The following ATAD2B variants were observed in gnomAD, a reference collection of about 807,000 sequenced individuals.
ATAD2B encodes ATPase family AAA domain-containing protein 2B.
A neutral mutation model predicts 167.6 loss-of-function variants in ATAD2B; 40 were observed. That is an observed-to-expected ratio of 0.24 (90% CI 0.19 to 0.31). The LOEUF is 0.31. Among genes scored for constraint, ATAD2B ranks in the 10% least tolerant of loss-of-function variants. The pLI, the probability that ATAD2B is intolerant of heterozygous loss-of-function variation, is 1.00. For synonymous variants in ATAD2B, 579 were observed against 596.5 expected (o/e 0.97, Z 0.43); for missense variants, 1,242 against 1,757.2 (o/e 0.71, Z 5.24).
At chr2:23,734,448 T>A in the ATAD2B span, among the ~76,000 whole-genome samples, 1 of 152,090 alleles carries the variant, frequency 6.6e-6, no homozygotes, top group Non-Finnish European at 1.5e-5. Context: ...GTGTGAGCCA[T>A]CGTACCCAGT....
chr2:23,756,993 T>C (rs1186111743), intron 25 of ATAD2B, among the ~76,000 whole-genome samples: 1 of 152,164 alleles, frequency 6.6e-6, no homozygotes, highest in Admixed American at 6.5e-5. Context: ...AGGTCTATAT[T>C]ACTCTTCCGA....
chr2:23,776,518 G>A (rs527344132), intron 22 of ATAD2B, among the ~76,000 whole-genome samples: 56 of 152,280 alleles, frequency 3.7e-4, no homozygotes, highest in Admixed American at 1.0e-3. Context: ...CTCAATAAAC[G>A]TTGAGTCAGT....
intron 24 of ATAD2B, among the ~76,000 whole-genome samples, chr2:23,760,844 C>T (rs1676649469): frequency 6.7e-6 from 1 of 150,050 alleles, no homozygotes; most frequent in Admixed American, 6.7e-5. Context: ...ATTTTTATAG[C>T]ATCACTGAGT....
the ATAD2B span, among the ~76,000 whole-genome samples, chr2:23,699,936 C>T: frequency 6.6e-6 from 1 of 152,240 alleles, no homozygotes; most frequent in Admixed American, 6.5e-5. Context: ...ACTCTGACTC[C>T]TGCTTCACAG....
chr2:23,682,681 C>T, the ATAD2B span, among the ~76,000 whole-genome samples: 2 of 150,862 alleles, frequency 1.3e-5, no homozygotes, highest in Admixed American at 6.6e-5. This position sits in a 1 kb window ranked among gnomAD's most constrained non-coding sequence, Gnocchi z 4.1. Flanking sequence ...CACCCTCCCA[C>T]ACCCTCCCGC....
chr2:23,878,235 C>A (rs1012942480), intron 7 of ATAD2B, among the ~76,000 whole-genome samples: 4 of 151,788 alleles, frequency 2.6e-5, no homozygotes, highest in African/African-American at 9.7e-5. Flanking sequence ...GTAGCGCATG[C>A]CTGTAGTCCC....
intron 15 of ATAD2B, among the ~76,000 whole-genome samples, chr2:23,823,965 G>T (rs1265716438): frequency 1.3e-5 from 2 of 150,536 alleles, no homozygotes; most frequent in Non-Finnish European, 1.5e-5. Flanking sequence ...ATAAACAAGA[G>T]ACAGGGGTCT....
chr2:23,798,846 T>C (rs1402060573), intron 18 of ATAD2B, among the ~76,000 whole-genome samples: 1 of 152,204 alleles, frequency 6.6e-6, no homozygotes, highest in Non-Finnish European at 1.5e-5. Flanking sequence ...AAACAGTCAT[T>C]CACCTCCTCC....
At chr2:23,922,925 A>C (rs1417410545) in intron 1 of ATAD2B, among the ~76,000 whole-genome samples, 1 of 152,196 alleles carries the variant, frequency 6.6e-6, no homozygotes, top group Non-Finnish European at 1.5e-5. Flanking sequence ...AAAATGGTGC[A>C]GCCACTATGG....
Position 23,788,504 on chromosome 2 carries a change from A to C in ATAD2B, c.2776+8T>G, listed in dbSNP as rs758838188. On this transcript the variant is annotated splice_region_variant and intron_variant, in intron 20 of 27. Coordinates refer to ENST00000238789, the MANE Select transcript of ATAD2B (RefSeq NM_017552.4). Reference sequence around the variant, plus strand: ...CTCCCATTTTCCTAAAGGCTTTACAAACTTTACCAGCATGTTTCCTTCGTG... The same window carrying C: ...CTCCCATTTTCCTAAAGGCTTTACACACTTTACCAGCATGTTTCCTTCGTG... The C allele has an allele frequency of 2.5e-6, 4 of 1,611,792 alleles. No individual in the cohort carries two copies. In the East Asian group the frequency reaches 8.9e-5, roughly 36 times the overall value.
chr2:23,885,127 GTAGGAGGGAAA>G (rs1230470379), intron 5 of ATAD2B, among the ~76,000 whole-genome samples: 1 of 152,262 alleles, frequency 6.6e-6, no homozygotes, highest in African/African-American at 2.4e-5. Flanking sequence ...TTACAGCCTA[GTAGGAGGGAAA>G]TAAGACAATC....
downstream of ATAD2B, among the ~76,000 whole-genome samples, chr2:23,745,985 C>A (rs1221331159): frequency 6.6e-6 from 1 of 152,172 alleles, no homozygotes; most frequent in South Asian, 2.1e-4. Context: ...TGTACTTTCC[C>A]CTGCAGCTGT....
chr2:23,712,686 C>T, the ATAD2B span, among the ~76,000 whole-genome samples: 6 of 152,150 alleles, frequency 3.9e-5, no homozygotes, highest in African/African-American at 1.2e-4. Flanking sequence ...GGACTCAACT[C>T]CAAGAAGCCT....
At chr2:23,701,190 C>A in the ATAD2B span, among the ~76,000 whole-genome samples, 1 of 13,044 alleles carries the variant, frequency 7.7e-5, no homozygotes, top group Non-Finnish European at 3.9e-4. Context: ...TCCTTGGCAA[C>A]TATCTCAATG....
chr2:23,855,052 G>T (rs1693162184), intron 13 of ATAD2B, among the ~76,000 whole-genome samples: 1 of 151,976 alleles, frequency 6.6e-6, no homozygotes, highest in African/African-American at 2.4e-5. Flanking sequence ...AAATTAGCCG[G>T]GCATGGTGGT....
At chr2:23,691,428 A>T in the ATAD2B span, 2 of 567,870 alleles carry the variant, frequency 3.5e-6, no homozygotes, top group Non-Finnish European at 6.3e-6. Flanking sequence ...TTTGATTTGC[A>T]TCTTTTTTTG....
At chr2:23,810,893 C>T (rs1216632030) in intron 17 of ATAD2B, among the ~76,000 whole-genome samples, 1 of 151,998 alleles carries the variant, frequency 6.6e-6, no homozygotes, top group Admixed American at 6.6e-5. Flanking sequence ...CATCTGTAAT[C>T]CCAGCTACTC....
intron 1 of ATAD2B, among the ~76,000 whole-genome samples, chr2:23,925,212 A>T (rs1056148860): frequency 1.3e-5 from 2 of 152,258 alleles, no homozygotes; most frequent in East Asian, 3.8e-4. Context: ...CAACTTTCAG[A>T]TTTAACCTTA....
In ATAD2B at chr2:23,782,892, T is replaced by C; in HGVS notation, c.3110A>G (p.Tyr1037Cys). The C allele has an allele frequency of 1.2e-6, 2 of 1,612,068 alleles. No homozygotes were observed. Among genetic ancestry groups the C allele is most frequent in the Non-Finnish European group, 1.7e-6 (2 of 1,178,942 alleles). Residue 1037 changes from tyrosine (Y) to cysteine (C), a missense_variant, in exon 22 of 28, where the codon TAT (tyrosine) becomes TGT (cysteine). By Grantham distance (194) the Tyr-to-Cys change is radical. Coordinates refer to ENST00000238789, the MANE Select transcript of ATAD2B (RefSeq NM_017552.4). The stretch of plus-strand genomic sequence containing the variant: ...ACCTCCTGGGTCCTTATCTGGATTA[T>C]ACTCTAAAGCATTGCTACAGATGAG... ...IDLICSNALE[Y>C]NPDKDPGDKI...
Sources: allele counts gnomAD v4.1 joint callset (sites outside exome capture counted in the v4.1 genomes callset), GRCh38; gene constraint gnomAD v4.1.1; non-coding constraint Gnocchi (gnomAD v3.1); transcripts MANE v1.5; gene names NCBI Gene and HGNC (gene_info 2026-07-23, HGNC 2026-07-21).